Variants in HTR2A observed in about 807,000 individuals in gnomAD.
HTR2A encodes 5-HT2 receptor.
A neutral mutation model predicts 31.0 loss-of-function variants in HTR2A; 14 were observed. The ratio of observed to expected loss-of-function variants is 0.45; its 90% CI spans 0.30 to 0.71. HTR2A has a LOEUF of 0.71. Among genes scored for constraint, HTR2A ranks in the 30% least tolerant of loss-of-function variants. HTR2A has a pLI of 0.09. For synonymous variants in HTR2A, 209 were observed against 225.2 expected, an observed-to-expected ratio of 0.93 and a Z score of 0.64; for missense variants, 442 against 573.3, an observed-to-expected ratio of 0.77 and a Z score of 2.34.
At chr13:46,845,685 G>A (rs6561332) in intron 3 of HTR2A, among the ~76,000 whole-genome samples, 2 of 149,974 alleles carry the variant, frequency 1.3e-5, no homozygotes, top group African/African-American at 2.5e-5. Context: ...GGAGGCAGAG[G>A]ATACAGAGAT....
intron 3 of HTR2A, among the ~76,000 whole-genome samples, chr13:46,869,816 ATGT>A (rs1297171687): frequency 6.6e-6 from 1 of 152,140 alleles, no homozygotes; most frequent in Non-Finnish European, 1.5e-5. Context: ...AAGAGAATAA[ATGT>A]TGTATAATTG....
At chr13:46,863,630 G>GAAAAAAAAAAAAAAAAAAAAAA (rs59693757) in intron 3 of HTR2A, among the ~76,000 whole-genome samples, 326 of 59,258 alleles carry the variant, frequency 5.5e-3, no homozygotes, top group Middle Eastern at 0.016. Context: ...CCCTCAAAAT[G>GAAAAAAAAAAAAAAAAAAAAAA]AAAAAAAAAA....
At position 46,892,481 on chromosome 13, in the gene HTR2A, G is replaced by A. The variant is rs534717885; in HGVS notation, c.522C>T (p.Tyr174=). ...GGTGGATGGGATTCTGGATGGCGAC[G>A]TAGCGGTCCAGCGAGATGGCGCAGA... ...MHLCAISLDR[Y]VAIQNPIHHS... is the part of the protein sequence containing the mutation. Residue 174 remains tyrosine, a synonymous_variant, in exon 3 of 4, where the codon TAC becomes TAT. Transcript: ENST00000542664. The A allele has an allele frequency of 2.0e-5, 33 of 1,614,224 alleles. No individual in the cohort carries two copies. The highest frequency in any genetic ancestry group is 5.0e-5 in the Admixed American group (3 of 60,026).
At chr13:46,862,721 A>G (rs1001875739) in intron 3 of HTR2A, among the ~76,000 whole-genome samples, 3 of 152,218 alleles carry the variant, frequency 2.0e-5, no homozygotes, top group African/African-American at 4.8e-5. Context: ...AGTTGGTAAT[A>G]GATAGCTTGT....
At chr13:46,850,003 T>C (rs1185797013) in intron 3 of HTR2A, among the ~76,000 whole-genome samples, 1 of 152,228 alleles carries the variant, frequency 6.6e-6, no homozygotes, top group Non-Finnish European at 1.5e-5. Flanking sequence ...AGAACAATTA[T>C]GACTACCTAG....
intron 3 of HTR2A, among the ~76,000 whole-genome samples, chr13:46,873,314 C>G (rs1237854531): frequency 6.6e-6 from 1 of 151,554 alleles, no homozygotes; most frequent in Non-Finnish European, 1.5e-5. Context: ...TTAATACTTT[C>G]TGATCAAATA....
chr13:46,870,202 C>T (rs113136245), intron 3 of HTR2A, among the ~76,000 whole-genome samples: 2 of 152,172 alleles, frequency 1.3e-5, no homozygotes, highest in African/African-American at 2.4e-5. Flanking sequence ...GAGATAATTA[C>T]AGGCAATTGA....
chr13:46,881,339 T>G (rs1233738561), intron 3 of HTR2A, among the ~76,000 whole-genome samples: 1 of 152,158 alleles, frequency 6.6e-6, no homozygotes, highest in Non-Finnish European at 1.5e-5. Flanking sequence ...TCTCCAGCAC[T>G]GCCATACTCT....
At chr13:46,837,070 G>T (rs1950567577) in intron 3 of HTR2A, among the ~76,000 whole-genome samples, 1 of 152,136 alleles carries the variant, frequency 6.6e-6, no homozygotes, top group South Asian at 2.1e-4. Flanking sequence ...CCCAGATTTG[G>T]GGGATCTGTA....
At chr13:46,885,385 T>C (rs116560006) in intron 3 of HTR2A, among the ~76,000 whole-genome samples, 3,428 of 152,296 alleles carry the variant, frequency 0.023, 117 homozygotes, top group African/African-American at 0.078. Context: ...TCTTGAATTT[T>C]CCATTTAACA....
chr13:46,840,283 T>C (rs1453973862), intron 3 of HTR2A, among the ~76,000 whole-genome samples: 2 of 152,164 alleles, frequency 1.3e-5, no homozygotes, highest in African/African-American at 2.4e-5. Flanking sequence ...TGGGACTCAC[T>C]ATCCTGATAC....
rs922056819 is a variant in HTR2A at position 46,888,027 on chromosome 13, T to C, written c.613+4363A>G. ...AACCACCATGGCACACGTTTACCCA[T>C]GTAACAAACCTGCACATCCTGCACA... On this transcript the variant is annotated intron_variant, in intron 3 of 3. Coordinates refer to ENST00000542664, the MANE Select transcript of HTR2A (RefSeq NM_000621.5). 2.0e-5 allele frequency among the ~76,000 whole-genome samples: 3 copies of C among 151,244 alleles called. No homozygotes were observed. The South Asian group carries it at 6.3e-4, about 32-fold the overall frequency.
At chr13:46,865,023 G>T (rs1422838055) in intron 3 of HTR2A, among the ~76,000 whole-genome samples, 1 of 151,768 alleles carries the variant, frequency 6.6e-6, no homozygotes, top group Non-Finnish European at 1.5e-5. Flanking sequence ...TATATTTCAC[G>T]TGCTCTTAAA....
Position 46,895,216 on chromosome 13 carries a change from A to G in HTR2A, c.412+279T>C, listed in dbSNP as rs1951091470. ...ATAAAAATTTCTACATTAAATGTAC[A>G]TGTTTTGAAGCACAAAACTCTCCAA... is the stretch of plus-strand genomic sequence containing the variant. On this transcript the variant is annotated intron_variant, in intron 2 of 3. Transcript: ENST00000542664. This position sits in a 1 kb window ranked among gnomAD's most constrained non-coding sequence, Gnocchi z 4.4. 3.0e-6 allele frequency: 1 copy of G among 333,162 alleles called. No homozygotes were observed. Among genetic ancestry groups the G allele is most frequent in the Admixed American group, 4.5e-5 (1 of 22,280 alleles). The allele number at this position is 333,162 out of a possible 1,614,324, so 20.6% of individuals were successfully genotyped here.
At position 46,835,014 on chromosome 13, in the gene HTR2A, T is replaced by A. The variant is rs35224115; in HGVS notation, c.1239A>T (p.Thr413=). 16,886 of 1,614,142 alleles carry A rather than the reference T, an allele frequency of 0.01. 426 individuals carry two copies. Among genetic ancestry groups the A allele is most frequent in the African/African-American group, 0.078 (5,853 of 75,030 alleles). ...KKPLQLILVN[T]IPALAYKSSQ... Reference sequence around the variant, plus strand: ...TAGACTTGTAGGCCAAAGCCGGTATTGTGTTCACTAAAATTAACTGCAATG... The same window carrying A: ...TAGACTTGTAGGCCAAAGCCGGTATAGTGTTCACTAAAATTAACTGCAATG... The change falls in exon 4 of 4, where the codon ACA becomes ACT. Residue 413 remains threonine, a synonymous_variant. Transcript: ENST00000542664.
At chr13:46,871,335 C>A (rs1950862161) in intron 3 of HTR2A, among the ~76,000 whole-genome samples, 1 of 152,132 alleles carries the variant, frequency 6.6e-6, no homozygotes, top group Non-Finnish European at 1.5e-5. Context: ...AATATTGCCT[C>A]CTTTTATGAT....
intron 3 of HTR2A, among the ~76,000 whole-genome samples, chr13:46,869,621 C>T (rs1950849106): frequency 6.6e-6 from 1 of 152,042 alleles, no homozygotes; most frequent in Non-Finnish European, 1.5e-5. Context: ...TGCCAATGCT[C>T]TGAATTGTAA....
intron 3 of HTR2A, among the ~76,000 whole-genome samples, chr13:46,840,569 T>G (rs983450478): frequency 6.6e-6 from 1 of 152,166 alleles, no homozygotes; most frequent in African/African-American, 2.4e-5. Context: ...ATATGAAAAC[T>G]TGGGCCTACC....
At chr13:46,896,264 C>A (rs1951104335) in intron 1 of HTR2A, 30 bp from the exon 2 acceptor site, 1 of 1,089,390 alleles carries the variant, frequency 9.2e-7, no homozygotes, top group South Asian at 3.7e-5. Flanking sequence ...TTTATAACTA[C>A]TGGGACTCTT....
Sources: gnomAD v4.1 joint callset for allele counts (sites outside exome capture counted in the v4.1 genomes callset) on GRCh38, gnomAD v4.1.1 for gene constraint, Gnocchi (gnomAD v3.1) non-coding constraint, MANE v1.5 for transcripts, NCBI Gene and HGNC (gene_info 2026-07-23, HGNC 2026-07-21) for gene names.